The following CNBD1 variants were observed in gnomAD, a reference collection of about 807,000 sequenced individuals.
CNBD1 encodes cyclic nucleotide binding domain containing 1, also known as cyclic nucleotide-binding domain-containing protein 1.
Under a neutral mutation model 54.4 loss-of-function variants are expected in CNBD1, and 71 were observed. That is an observed-to-expected ratio of 1.30 (90% CI 1.08 to 1.59). CNBD1 has a LOEUF of 1.59. Among genes scored for constraint, CNBD1 ranks in the 40% most tolerant of loss-of-function variants. CNBD1 has a pLI of 0.00. For missense variants in CNBD1, 659 were observed against 518.0 expected, an observed-to-expected ratio of 1.27 and a Z score of -2.64; for synonymous variants, 182 against 170.7, an observed-to-expected ratio of 1.07 and a Z score of -0.51.
At chr8:86,884,044 T>C (rs887980089) in intron 1 of CNBD1, among the ~76,000 whole-genome samples, 18 of 150,722 alleles carry the variant, frequency 1.2e-4, no homozygotes, top group South Asian at 2.1e-4. Flanking sequence ...CCCAGCTACT[T>C]GGGAGGCTGA....
At chr8:87,250,267 C>CA (rs1475197377) in intron 6 of CNBD1, among the ~76,000 whole-genome samples, 4 of 152,080 alleles carry the variant, frequency 2.6e-5, no homozygotes, top group African/African-American at 7.2e-5. Flanking sequence ...ATCAAAACTC[C>CA]AACGATATGT....
At chr8:87,323,649 T>A (rs981834962) in intron 8 of CNBD1, among the ~76,000 whole-genome samples, 9 of 135,000 alleles carry the variant, frequency 6.7e-5, no homozygotes, top group Non-Finnish European at 1.5e-4. Context: ...TGTACATTGA[T>A]TTTGTATCCT....
intron 2 of CNBD1, among the ~76,000 whole-genome samples, chr8:87,419,729 TA>T (rs1384653760): frequency 6.6e-6 from 1 of 151,814 alleles, no homozygotes; most frequent in Non-Finnish European, 1.5e-5. Context: ...ATATTTAGTT[TA>T]AAATATTCCC....
chr8:87,364,619 T>A (rs931341988), intron 10 of CNBD1, among the ~76,000 whole-genome samples: 1 of 151,982 alleles, frequency 6.6e-6, no homozygotes, highest in Admixed American at 6.6e-5. Flanking sequence ...CATTAGTTAT[T>A]TTTCTTGATC....
intron 2 of CNBD1, among the ~76,000 whole-genome samples, chr8:87,393,496 C>T (rs752234116): frequency 2.0e-4 from 30 of 151,776 alleles, no homozygotes; most frequent in Non-Finnish European, 3.2e-4. Context: ...GCATCTACTC[C>T]GTAATCAGGA....
At chr8:87,260,873 A>T (rs1808126308) in intron 6 of CNBD1, among the ~76,000 whole-genome samples, 1 of 152,106 alleles carries the variant, frequency 6.6e-6, no homozygotes, top group Admixed American at 6.6e-5. Context: ...TCAGTTTTCC[A>T]AAAATTGAGG....
At chr8:86,880,955 G>C (rs936417026) in intron 1 of CNBD1, among the ~76,000 whole-genome samples, 12 of 152,078 alleles carry the variant, frequency 7.9e-5, no homozygotes, top group African/African-American at 1.2e-4. Flanking sequence ...TGCAGAAAAA[G>C]GCTTTTGATA....
At chr8:87,340,126 AT>A (rs1474230604) in intron 8 of CNBD1, among the ~76,000 whole-genome samples, 1 of 152,128 alleles carries the variant, frequency 6.6e-6, no homozygotes, top group African/African-American at 2.4e-5. Context: ...TCTCGTTTTC[AT>A]TTTCGAAGGA....
chr8:87,187,343 A>G (rs1046869813), intron 4 of CNBD1, among the ~76,000 whole-genome samples: 3 of 152,106 alleles, frequency 2.0e-5, no homozygotes, highest in African/African-American at 7.2e-5. Context: ...TTTCCCATAA[A>G]TGATGGAAGA....
At chr8:86,867,230 C>T (rs1340271364) in intron 1 of CNBD1, among the ~76,000 whole-genome samples, 1 of 113,284 alleles carries the variant, frequency 8.8e-6, no homozygotes, top group Non-Finnish European at 1.9e-5. Flanking sequence ...TTTATAAGAT[C>T]TATTATTTGA....
intron 4 of CNBD1, among the ~76,000 whole-genome samples, chr8:86,976,416 G>C (rs1209977801): frequency 6.6e-6 from 1 of 151,770 alleles, no homozygotes; most frequent in African/African-American, 2.4e-5. Context: ...TAAGGGATGA[G>C]ATAAGGGTTC....
At chr8:87,396,200 T>C (rs887015460) in intron 2 of CNBD1, among the ~76,000 whole-genome samples, 5 of 151,952 alleles carry the variant, frequency 3.3e-5, no homozygotes, top group Non-Finnish European at 7.4e-5. Context: ...TCTCATTCCT[T>C]CCTTAGGACC....
chr8:86,929,716 A>T (rs1199515550), intron 3 of CNBD1, among the ~76,000 whole-genome samples: 1 of 152,114 alleles, frequency 6.6e-6, no homozygotes, highest in Non-Finnish European at 1.5e-5. Flanking sequence ...GATAGTCATA[A>T]ATTTCCTTTG....
At chr8:87,423,379 T>G (rs113177077) in intron 2 of CNBD1, among the ~76,000 whole-genome samples, 7 of 150,688 alleles carry the variant, frequency 4.6e-5, no homozygotes, top group Admixed American at 2.6e-4. Flanking sequence ...TGCTTCCAGT[T>G]TTTGCCCATT....
At chr8:86,913,760 CCTGT>C (rs1809141425) in intron 3 of CNBD1, among the ~76,000 whole-genome samples, 1 of 152,078 alleles carries the variant, frequency 6.6e-6, no homozygotes. Flanking sequence ...GAGCAGAGAA[CCTGT>C]CTGAGTAGAA....
intron 8 of CNBD1, among the ~76,000 whole-genome samples, chr8:87,325,795 C>A (rs1809654847): frequency 6.7e-6 from 1 of 149,372 alleles, no homozygotes; most frequent in East Asian, 1.9e-4. Flanking sequence ...AGCATTTAGT[C>A]CATTTACATT....
At position 87,382,692 on chromosome 8, in the gene CNBD1, T is replaced by C; in HGVS notation, c.*65T>C. 1 of 1,204,784 alleles carries C rather than the reference T, an allele frequency of 8.3e-7. No individual in the cohort carries two copies. Among genetic ancestry groups the C allele is most frequent in the Non-Finnish European group, 1.2e-6 (1 of 843,312 alleles). 74.6% of individuals were successfully genotyped at this position (1,204,784 alleles called of 1,614,324 possible). On this transcript the variant is annotated 3_prime_UTR_variant, in exon 11 of 11. Transcript: ENST00000518476. ...TTGACTAAATAATGGAATAATTGCATTCTGGAATACTATCAAACTACCAGC... is the reference window on the plus strand; with the variant it reads ...TTGACTAAATAATGGAATAATTGCACTCTGGAATACTATCAAACTACCAGC...
chr8:87,165,544 A>C (rs1240633437), intron 4 of CNBD1, among the ~76,000 whole-genome samples: 4 of 151,974 alleles, frequency 2.6e-5, no homozygotes, highest in African/African-American at 9.7e-5. Context: ...CTTAAAATCT[A>C]TCTTGCTTGT....
At chr8:87,351,609 CTT>C (rs1028314025) in intron 8 of CNBD1, 74 bp from the exon 9 acceptor site, 1 of 1,312,508 alleles carries the variant, frequency 7.6e-7, no homozygotes, top group Non-Finnish European at 1.0e-6. Context: ...AATACATTAA[CTT>C]TTGTTGCTAA....
Sources: gnomAD v4.1 joint callset for allele counts (sites outside exome capture counted in the v4.1 genomes callset) on GRCh38, gnomAD v4.1.1 for gene constraint, MANE v1.5 for transcripts, NCBI Gene and HGNC (gene_info 2026-07-23, HGNC 2026-07-21) for gene names.